Variants in TMEM132D observed in about 807,000 individuals in gnomAD.
TMEM132D encodes mature OL transmembrane protein.
Under a neutral mutation model 62.3 loss-of-function variants are expected in TMEM132D, and 21 were observed. That is an observed-to-expected ratio of 0.34 (90% CI 0.24 to 0.49). The LOEUF (loss-of-function observed/expected upper bound fraction) is 0.49, where lower values mean the gene tolerates loss of function less well. Ranked by LOEUF, TMEM132D falls within the 20% of genes least tolerant of loss-of-function variation. The pLI, the probability that TMEM132D is intolerant of heterozygous loss-of-function variation, is 0.99. For missense variants in TMEM132D, 1,346 were observed against 1,402.8 expected (o/e 0.96, Z 0.65); for synonymous variants, 621 against 575.6 (o/e 1.08, Z -1.13).
chr12:129,350,888 C>T (rs971816545), intron 3 of TMEM132D, among the ~76,000 whole-genome samples: 1 of 152,160 alleles, frequency 6.6e-6, no homozygotes. Flanking sequence ...TAAACTCCAC[C>T]CCAACTTTAG....
chr12:129,121,871 G>A (rs910340073), intron 5 of TMEM132D, among the ~76,000 whole-genome samples: 2 of 152,172 alleles, frequency 1.3e-5, no homozygotes, highest in Non-Finnish European at 2.9e-5. Flanking sequence ...AACAAAAACT[G>A]CAGCTAGACT....
chr12:129,529,705 T>C (rs769880337), intron 3 of TMEM132D, among the ~76,000 whole-genome samples: 4 of 152,168 alleles, frequency 2.6e-5, no homozygotes, highest in Non-Finnish European at 5.9e-5. Flanking sequence ...ATCCACCCTC[T>C]CATCCATCCA....
intron 3 of TMEM132D, among the ~76,000 whole-genome samples, chr12:129,528,852 G>A (rs772165413): frequency 6.6e-5 from 10 of 152,284 alleles, no homozygotes; most frequent in South Asian, 4.1e-4. Flanking sequence ...TAAGACTTCC[G>A]TTCTAGAGCT....
chr12:129,840,738 C>T (rs1873166225), intron 1 of TMEM132D, among the ~76,000 whole-genome samples: 1 of 152,226 alleles, frequency 6.6e-6, no homozygotes, highest in Non-Finnish European at 1.5e-5. Context: ...GCCTGGGCAA[C>T]ACCAGCGAGC....
chr12:129,370,038 T>A (rs1870546570), intron 3 of TMEM132D, among the ~76,000 whole-genome samples: 1 of 152,206 alleles, frequency 6.6e-6, no homozygotes, highest in Non-Finnish European at 1.5e-5. Context: ...CCTACCCAGA[T>A]CCACCTGTCA....
intron 4 of TMEM132D, among the ~76,000 whole-genome samples, chr12:129,310,028 CA>C (rs539460411): frequency 7.2e-5 from 11 of 152,056 alleles, no homozygotes; most frequent in Admixed American, 3.3e-4. Context: ...AAAAGTGCTA[CA>C]GCCAGAAAAT....
chr12:129,478,847 G>C (rs188115461), intron 3 of TMEM132D, among the ~76,000 whole-genome samples: 77 of 152,276 alleles, frequency 5.1e-4, no homozygotes, highest in African/African-American at 1.7e-3. Context: ...AGAATAAGAA[G>C]CTACCTGCTT....
intron 3 of TMEM132D, among the ~76,000 whole-genome samples, chr12:129,416,875 G>T (rs890640981): frequency 5.3e-5 from 8 of 152,174 alleles, no homozygotes; most frequent in African/African-American, 1.9e-4. Context: ...AACCAGCCTT[G>T]CATCCCAGGG....
rs572257387 is a variant in TMEM132D at position 129,284,957 on chromosome 12, G to A, written c.1299+52677C>T. Among the ~76,000 whole-genome samples, 164 of 152,316 alleles carry A rather than the reference G, an allele frequency of 1.1e-3. 1 individual carries two copies. The highest frequency in any genetic ancestry group is 2.0e-3 in the Admixed American group (30 of 15,300). ...CTGCTAAGGGGTGCATGGCTGTACC[G>A]TGGAGTGATGGACACGCTTTGGAGA... On this transcript the variant is annotated intron_variant, in intron 4 of 8. Transcript: ENST00000422113.
At chr12:129,559,142 G>A (rs998758663) in intron 2 of TMEM132D, among the ~76,000 whole-genome samples, 4 of 152,136 alleles carry the variant, frequency 2.6e-5, no homozygotes, top group African/African-American at 9.7e-5. Context: ...AGCCCATAAG[G>A]TTTTACAACC....
intron 5 of TMEM132D, among the ~76,000 whole-genome samples, chr12:129,104,563 G>A (rs930285166): frequency 9.2e-5 from 14 of 152,176 alleles, no homozygotes; most frequent in Middle Eastern, 6.8e-3. Flanking sequence ...AAACTCAAGA[G>A]CTTCTGCACA....
In TMEM132D at chr12:129,209,982, C is replaced by T. The variant is rs573976604; in HGVS notation, c.1300-319G>A. On this transcript the variant is annotated intron_variant, in intron 4 of 8. Coordinates refer to ENST00000422113, the MANE Select transcript of TMEM132D (RefSeq NM_133448.3). ...ACCCTTGTAAGTGCTTTACAAATAT[C>T]GGCTCGTCAATCCTCATAGCATCCT... 18 of 272,680 alleles carry T rather than the reference C, an allele frequency of 6.6e-5. 1 individual carries two copies. In the South Asian group the frequency reaches 1.0e-3, roughly 15 times the overall value. 16.9% of individuals were successfully genotyped at this position (272,680 alleles called of 1,614,324 possible).
At chr12:129,264,910 T>A (rs1312591031) in intron 4 of TMEM132D, among the ~76,000 whole-genome samples, 1 of 151,968 alleles carries the variant, frequency 6.6e-6, no homozygotes, top group Non-Finnish European at 1.5e-5. Context: ...TTTGGGAACT[T>A]GGGGGTAAGA....
chr12:129,127,045 A>G (rs1241869637), intron 5 of TMEM132D, among the ~76,000 whole-genome samples: 2 of 152,192 alleles, frequency 1.3e-5, no homozygotes, highest in Admixed American at 6.5e-5. Flanking sequence ...GAGGGAAAAC[A>G]TTTTGTGCCA....
chr12:129,811,377 T>G (rs1330992364), intron 1 of TMEM132D, among the ~76,000 whole-genome samples: 1 of 151,544 alleles, frequency 6.6e-6, no homozygotes, highest in Non-Finnish European at 1.5e-5. Flanking sequence ...AGCCCCTCCC[T>G]CCATCCCTCA....
At chr12:129,226,970 TA>T (rs1435962081) in intron 4 of TMEM132D, among the ~76,000 whole-genome samples, 1 of 152,194 alleles carries the variant, frequency 6.6e-6, no homozygotes, top group Admixed American at 6.5e-5. Flanking sequence ...TTTGCATAAC[TA>T]ATTTCAAATC....
chr12:129,609,165 G>A (rs146026976), intron 2 of TMEM132D, among the ~76,000 whole-genome samples: 11 of 151,962 alleles, frequency 7.2e-5, no homozygotes, highest in East Asian at 3.9e-4. Context: ...GGCTGGTCTC[G>A]AACTCCTGAC....
chr12:129,533,698 T>A (rs1004158546), intron 2 of TMEM132D, among the ~76,000 whole-genome samples: 5 of 152,268 alleles, frequency 3.3e-5, no homozygotes, highest in Non-Finnish European at 5.9e-5. Flanking sequence ...ATTCAACATT[T>A]CTTGCTAATA....
At position 129,527,181 on chromosome 12, in the gene TMEM132D, C is replaced by G. The variant is rs183433887; in HGVS notation, c.1115+3878G>C. 5.6e-3 allele frequency among the ~76,000 whole-genome samples: 857 copies of G among 152,026 alleles called. 5 individuals carry two copies. The highest frequency in any genetic ancestry group is 8.7e-3 in the Non-Finnish European group (591 of 67,988). On this transcript the variant is annotated intron_variant, in intron 3 of 8. Coordinates refer to ENST00000422113, the MANE Select transcript of TMEM132D (RefSeq NM_133448.3). ...AAAATTAGCCAGGTGTGGTGGTGCA[C>G]GCCTGTAATCCCAGCTACTTGGGTG... is the stretch of plus-strand genomic sequence containing the variant.
Sources: gnomAD v4.1 joint callset for allele counts (sites outside exome capture counted in the v4.1 genomes callset) on GRCh38, gnomAD v4.1.1 for gene constraint, MANE v1.5 for transcripts, NCBI Gene and HGNC (gene_info 2026-07-23, HGNC 2026-07-21) for gene names.